Variants in STPG2 observed in about 807,000 individuals in gnomAD.
STPG2 encodes sperm tail PG-rich repeat containing 2, also known as sperm-tail PG-rich repeat-containing protein 2.
Under a neutral mutation model 54.2 loss-of-function variants are expected in STPG2, and 56 were observed. The observed-to-expected ratio is 1.03, with a 90% CI of 0.83 to 1.29. The LOEUF (loss-of-function observed/expected upper bound fraction) is 1.29. Among genes scored for constraint, STPG2 ranks in the 50% most tolerant of loss-of-function variants. The pLI, the probability that STPG2 is intolerant of heterozygous loss-of-function variation, is 0.00. For missense variants in STPG2, 596 were observed against 544.9 expected (o/e 1.09, Z -0.93); for synonymous variants, 200 against 181.8 (o/e 1.10, Z -0.81).
intron 4 of STPG2, among the ~76,000 whole-genome samples, chr4:97,537,671 C>A (rs979960493): frequency 6.6e-6 from 1 of 152,200 alleles, no homozygotes; most frequent in African/African-American, 2.4e-5. Flanking sequence ...TTAACTGTCC[C>A]TGTCTGACAG....
intron 8 of STPG2, among the ~76,000 whole-genome samples, chr4:97,893,623 A>G (rs1730850704): frequency 1.3e-5 from 2 of 152,066 alleles, no homozygotes; most frequent in African/African-American, 4.8e-5. Context: ...TCAGAGTAAA[A>G]AAACTTACTG....
intron 10 of STPG2, among the ~76,000 whole-genome samples, chr4:97,680,360 T>C (rs1324090779): frequency 6.6e-6 from 1 of 151,952 alleles, no homozygotes; most frequent in Non-Finnish European, 1.5e-5. Context: ...GTAAGTTGGA[T>C]TCCTAGGTAT....
At chr4:98,001,790 C>G (rs1425790094) in intron 5 of STPG2, among the ~76,000 whole-genome samples, 1 of 152,062 alleles carries the variant, frequency 6.6e-6, no homozygotes, top group African/African-American at 2.4e-5. Flanking sequence ...TTAAGTCAAA[C>G]TGGAAGTCTG....
chr4:98,104,382 GC>G lies in STPG2; in HGVS notation c.612+1570del, dbSNP rs1739131134. ...CTGAGAAAATGCTACATACAATAAA[GC>G]CCCTATATTTTAACCAGTTCATTCA... is the stretch of plus-strand genomic sequence containing the variant. On this transcript the variant is annotated intron_variant, in intron 5 of 10. Transcript: ENST00000295268. Among the ~76,000 whole-genome samples, 3 of 151,958 alleles carry G rather than the reference GC, an allele frequency of 2.0e-5. No homozygotes were observed. The South Asian group carries it at 6.2e-4, about 32-fold the overall frequency.
chr4:97,804,533 G>A (rs1477794151), intron 9 of STPG2, among the ~76,000 whole-genome samples: 4 of 152,094 alleles, frequency 2.6e-5, no homozygotes, highest in African/African-American at 7.2e-5. Context: ...AGTACAATGT[G>A]TTTGTGCTTT....
intron 5 of STPG2, among the ~76,000 whole-genome samples, chr4:98,011,233 A>G (rs1246294298): frequency 6.6e-6 from 1 of 152,078 alleles, no homozygotes; most frequent in Non-Finnish European, 1.5e-5. Context: ...TTCCTGTGTT[A>G]GTTTAATGAA....
At chr4:97,784,630 A>C (rs988546280) in intron 9 of STPG2, among the ~76,000 whole-genome samples, 11 of 152,224 alleles carry the variant, frequency 7.2e-5, no homozygotes, top group Admixed American at 1.3e-4. Context: ...ATCAGTAGGA[A>C]TACAGCAGAA....
intron 4 of STPG2, among the ~76,000 whole-genome samples, chr4:97,451,234 ATC>A (rs1432689507): frequency 6.6e-6 from 1 of 152,222 alleles, no homozygotes; most frequent in Non-Finnish European, 1.5e-5. Flanking sequence ...AAGTGAATGT[ATC>A]TGTCTGGTTT....
At chr4:98,073,129 C>T (rs1452440513) in intron 5 of STPG2, among the ~76,000 whole-genome samples, 1 of 152,068 alleles carries the variant, frequency 6.6e-6, no homozygotes, top group Non-Finnish European at 1.5e-5. Flanking sequence ...AGATGTCTTG[C>T]TATGTTTCAC....
At chr4:97,979,471 C>T (rs540513303) in intron 6 of STPG2, among the ~76,000 whole-genome samples, 69 of 152,254 alleles carry the variant, frequency 4.5e-4, no homozygotes, top group Admixed American at 2.9e-3. Flanking sequence ...TATATCTCTC[C>T]CACCACTGTA....
At chr4:97,739,184 T>C (rs1277241240) in intron 9 of STPG2, among the ~76,000 whole-genome samples, 6 of 152,014 alleles carry the variant, frequency 3.9e-5, no homozygotes, top group Admixed American at 3.9e-4. Context: ...AGACACAACA[T>C]ACCAGAATCT....
chr4:97,507,745 T>C (rs1730883456), intron 4 of STPG2, among the ~76,000 whole-genome samples: 1 of 152,010 alleles, frequency 6.6e-6, no homozygotes, highest in African/African-American at 2.4e-5. Context: ...ATTAATATTA[T>C]GAAAGATACA....
At chr4:98,013,801 G>T (rs150959730) in intron 5 of STPG2, among the ~76,000 whole-genome samples, 9,322 of 151,572 alleles carry the variant, frequency 0.062, 316 homozygotes, top group Middle Eastern at 0.096. Flanking sequence ...ATTTCTGTGG[G>T]GTCAGTGGTG....
At chr4:97,992,030 T>A (rs1735035555) in intron 5 of STPG2, among the ~76,000 whole-genome samples, 1 of 152,180 alleles carries the variant, frequency 6.6e-6, no homozygotes, top group Non-Finnish European at 1.5e-5. Context: ...TGTGAAGACT[T>A]TCTCCCACTC....
At chr4:97,896,844 TAACAG>T (rs1475233563) in intron 8 of STPG2, among the ~76,000 whole-genome samples, 2 of 151,830 alleles carry the variant, frequency 1.3e-5, no homozygotes, top group African/African-American at 4.8e-5. Flanking sequence ...ACTAAAACAT[TAACAG>T]TTGCTACTAT....
At chr4:97,867,300 T>A (rs529030702) in intron 8 of STPG2, among the ~76,000 whole-genome samples, 1 of 152,084 alleles carries the variant, frequency 6.6e-6, no homozygotes, top group Non-Finnish European at 1.5e-5. Context: ...TTTTTACTTA[T>A]CTTTGTTGGA....
intron 6 of STPG2, among the ~76,000 whole-genome samples, chr4:97,976,145 T>TA (rs1487276691): frequency 4.6e-5 from 7 of 152,288 alleles, no homozygotes; most frequent in Admixed American, 3.3e-4. Context: ...GTCTATTCCC[T>TA]AAAAATATCT....
At chr4:98,022,776 C>T (rs1481865702) in intron 5 of STPG2, among the ~76,000 whole-genome samples, 1 of 152,092 alleles carries the variant, frequency 6.6e-6, no homozygotes, top group Non-Finnish European at 1.5e-5. Flanking sequence ...TTTCATCTTC[C>T]ATCACTGATA....
At chr4:97,460,473 C>T (rs1397068844) in intron 4 of STPG2, among the ~76,000 whole-genome samples, 44 of 151,066 alleles carry the variant, frequency 2.9e-4, no homozygotes, top group Non-Finnish European at 3.0e-5. Context: ...TTTAGGTCTT[C>T]ACTTATTTTG....
Sources: allele counts gnomAD v4.1 joint callset (sites outside exome capture counted in the v4.1 genomes callset), GRCh38; gene constraint gnomAD v4.1.1; transcripts MANE v1.5; gene names NCBI Gene and HGNC (gene_info 2026-07-23, HGNC 2026-07-21).